ABCC1: variants seen among roughly 807,000 people sequenced by gnomAD.
ABCC1 encodes the protein ATP binding cassette subfamily C member 1 (ABCC1 blood group), also known as multidrug resistance-associated protein 1.
In ABCC1, 83 loss-of-function variants were observed where a neutral mutation model predicts 172.9. The observed-to-expected ratio is 0.48, with a 90% CI of 0.40 to 0.58. The LOEUF (loss-of-function observed/expected upper bound fraction) is 0.58. Ranked by LOEUF, ABCC1 falls within the 20% of genes least tolerant of loss-of-function variation. The pLI is 0.00. For missense variants in ABCC1, 1,817 were observed against 2,002.7 expected (o/e 0.91, Z 1.77); for synonymous variants, 937 against 825.2 (o/e 1.14, Z -2.32).
At chr16:16,076,429 G>T in intron 15 of ABCC1, 28 bp downstream of exon 15, 2 of 1,571,676 alleles carry the variant, frequency 1.3e-6, no homozygotes, top group Non-Finnish European at 1.7e-6. Flanking sequence ...CACACGTGAT[G>T]GTGTGGAGAG....
intron 27 of ABCC1, among the ~76,000 whole-genome samples, chr16:16,132,873 A>G (rs1402185696): frequency 6.6e-6 from 1 of 152,120 alleles, no homozygotes; most frequent in East Asian, 1.9e-4. Flanking sequence ...AAGACTTAAT[A>G]TAAAAATTTA....
intron 8 of ABCC1, among the ~76,000 whole-genome samples, chr16:16,045,304 A>G (rs917018523): frequency 1.3e-5 from 2 of 151,140 alleles, no homozygotes; most frequent in Admixed American, 1.3e-4. Flanking sequence ...AGGCTGAGGC[A>G]TAAAAATTGC....
Position 15,984,540 on chromosome 16 carries a change from T to G in ABCC1, c.49-23276T>G, listed in dbSNP as rs189298195. Among the ~76,000 whole-genome samples the G allele has an allele frequency of 4.6e-5, 7 of 150,802 alleles. No homozygotes were observed. The East Asian group carries it at 1.4e-3, about 30-fold the overall frequency. ...TCACTGCATCCTCCGCTTCCCAGTTTCAAGCGATTCTCCTGCCTCAGCCTT... is the reference window on the plus strand; with the variant it reads ...TCACTGCATCCTCCGCTTCCCAGTTGCAAGCGATTCTCCTGCCTCAGCCTT... On this transcript the variant is annotated intron_variant, in intron 1 of 30. Coordinates refer to ENST00000399410, the MANE Select transcript of ABCC1 (RefSeq NM_004996.4).
At chr16:16,071,210 G>T (rs999687782) in intron 13 of ABCC1, among the ~76,000 whole-genome samples, 1 of 151,592 alleles carries the variant, frequency 6.6e-6, no homozygotes, top group Non-Finnish European at 1.5e-5. Flanking sequence ...TCAGCCTCCC[G>T]AGTAGCTGGG....
chr16:16,122,725 A>G (rs2045225147), intron 24 of ABCC1, among the ~76,000 whole-genome samples: 1 of 151,384 alleles, frequency 6.6e-6, no homozygotes, highest in South Asian at 2.1e-4. Flanking sequence ...AAAAAAAAAA[A>G]AAAAAAAAAG....
At chr16:16,074,857 C>T (rs1258726021) in intron 14 of ABCC1, among the ~76,000 whole-genome samples, 3 of 151,908 alleles carry the variant, frequency 2.0e-5, no homozygotes, top group South Asian at 4.2e-4. Flanking sequence ...CTTCATTTGA[C>T]AACTTAAACA....
rs1436251002 is a variant in ABCC1 at position 16,090,409 on chromosome 16, G to A, written c.2465G>A (p.Arg822Gln). 4.4e-6 allele frequency: 7 copies of A among 1,593,768 alleles called. No homozygotes were observed. Among genetic ancestry groups the A allele is most frequent in the African/African-American group, 2.7e-5 (2 of 74,672 alleles). ...GPKGMLKNKT[R>Q]ILVTHSMSYL... ...GGGTGTCCCCTTTGCCCACAGACGC[G>A]GATCTTGGTCACGCACAGCATGAGC... The change falls in exon 19 of 31, where the codon CGG becomes CAG. Residue 822 changes from arginine to glutamine, a missense_variant. Around this residue, in one of 3 missense-constraint regions of ABCC1, gnomAD observed 1,412 missense variants for 1,600.3 expected, o/e 0.88. Transcript: ENST00000399410.
intron 1 of ABCC1, among the ~76,000 whole-genome samples, chr16:15,961,109 G>A (rs1320151480): frequency 6.7e-6 from 1 of 149,732 alleles, no homozygotes; most frequent in Non-Finnish European, 1.5e-5. Flanking sequence ...GCCCTTCCAT[G>A]TGCTGGGATT....
chr16:16,136,088 A>G (rs1472475734), intron 28 of ABCC1, among the ~76,000 whole-genome samples: 1 of 151,570 alleles, frequency 6.6e-6, no homozygotes, highest in Non-Finnish European at 1.5e-5. Flanking sequence ...CAGTGGCACA[A>G]TCTTGGCTCA....
chr16:16,028,830 C>T (rs2035477405), intron 5 of ABCC1, among the ~76,000 whole-genome samples: 4 of 152,160 alleles, frequency 2.6e-5, no homozygotes, highest in African/African-American at 9.7e-5. Context: ...TGCCCAAGGT[C>T]ATCAGCTAGA....
Position 16,122,026 on chromosome 16 carries a change from C to T in ABCC1, c.3442C>T (p.Arg1148Cys), listed in dbSNP as rs776242041. 37 of 1,614,064 alleles carry T rather than the reference C, an allele frequency of 2.3e-5. No individual in the cohort carries two copies. The highest frequency in any genetic ancestry group is 5.3e-5 in the African/African-American group (4 of 74,908). Residue 1148 changes from arginine (R) to cysteine (C), a missense_variant, in exon 24 of 31, where the codon CGC (arginine) becomes TGC (cysteine). By Grantham distance (180) the Arg-to-Cys change is radical. This residue lies in a region of ABCC1 where 1,412 missense variants were observed against 1,600.3 expected (regional missense o/e 0.88). Transcript: ENST00000399410. The part of the protein sequence containing the change: ...RQLKRLESVS[R>C]SPVYSHFNET... ...GCTGAAGCGCCTCGAGTCGGTCAGCCGCTCCCCGGTCTATTCCCATTTCAA... is the reference window on the plus strand; with the variant it reads ...GCTGAAGCGCCTCGAGTCGGTCAGCTGCTCCCCGGTCTATTCCCATTTCAA...
At chr16:16,061,718 G>A (rs1293473566) in intron 12 of ABCC1, among the ~76,000 whole-genome samples, 1 of 150,650 alleles carries the variant, frequency 6.6e-6, no homozygotes, top group Non-Finnish European at 1.5e-5. Context: ...TTATACAAGT[G>A]ATAGTAAGAG....
At chr16:16,020,608 C>T (rs1032314273) in intron 5 of ABCC1, among the ~76,000 whole-genome samples, 2 of 152,156 alleles carry the variant, frequency 1.3e-5, no homozygotes, top group Non-Finnish European at 2.9e-5. Context: ...TCTAAGATAC[C>T]TACCATCTGA....
At chr16:16,092,912 C>G (rs1034861333) in intron 19 of ABCC1, among the ~76,000 whole-genome samples, 2 of 152,190 alleles carry the variant, frequency 1.3e-5, no homozygotes, top group Admixed American at 6.5e-5. Context: ...TCGCTTGAGC[C>G]TGGGAGTCAG....
intron 8 of ABCC1, among the ~76,000 whole-genome samples, chr16:16,045,003 G>C (rs1331065926): frequency 6.6e-6 from 1 of 152,110 alleles, no homozygotes; most frequent in African/African-American, 2.4e-5. Flanking sequence ...CACATCGTTT[G>C]CAAGTAACAG....
chr16:15,962,672 C>T (rs1044623234), intron 1 of ABCC1, among the ~76,000 whole-genome samples: 16 of 152,134 alleles, frequency 1.1e-4, no homozygotes, highest in East Asian at 1.9e-4. Flanking sequence ...GGAGAAAAGC[C>T]GGTATAAAAC....
chr16:15,959,207 A>G (rs934103655), intron 1 of ABCC1, among the ~76,000 whole-genome samples: 2 of 152,060 alleles, frequency 1.3e-5, no homozygotes, highest in African/African-American at 4.8e-5. Flanking sequence ...TAGAGAAGAA[A>G]CTTGCGGCAG....
At chr16:16,052,591 G>C (rs1156427707) in intron 10 of ABCC1, 133 bp from the exon 11 acceptor site, 10 of 728,072 alleles carry the variant, frequency 1.4e-5, no homozygotes, top group Non-Finnish European at 2.1e-5. Context: ...ACCCTATTGT[G>C]GGGTAAAAGT....
intron 18 of ABCC1, among the ~76,000 whole-genome samples, chr16:16,089,720 C>CA (rs1337339959): frequency 9.9e-5 from 15 of 151,808 alleles, no homozygotes; most frequent in Admixed American, 5.2e-4. Flanking sequence ...AATACAACAA[C>CA]AAAAAAATCA....
Sources: allele counts gnomAD v4.1 joint callset (sites outside exome capture counted in the v4.1 genomes callset), GRCh38; gene constraint gnomAD v4.1.1; regional missense constraint gnomAD v4.1.1; transcripts MANE v1.5; gene names NCBI Gene and HGNC (gene_info 2026-07-23, HGNC 2026-07-21).